The following CDK8 variants were observed in gnomAD, a reference collection of about 807,000 sequenced individuals.
CDK8 encodes the protein cyclin dependent kinase 8, also known as cyclin-dependent kinase 8.
A neutral mutation model predicts 71.5 loss-of-function variants in CDK8; 29 were observed. That is an observed-to-expected ratio of 0.41 (90% confidence interval 0.30 to 0.55). The LOEUF (loss-of-function observed/expected upper bound fraction) is 0.55, where lower values mean the gene tolerates loss of function less well. Among genes scored for constraint, CDK8 ranks in the 20% least tolerant of loss-of-function variants. CDK8 has a pLI of 0.37. For missense variants in CDK8, 288 were observed against 572.6 expected, an observed-to-expected ratio of 0.50 and a Z score of 5.07; for synonymous variants, 161 against 192.1, an observed-to-expected ratio of 0.84 and a Z score of 1.34.
At chr13:26,292,008 T>C (rs186834382) in intron 1 of CDK8, among the ~76,000 whole-genome samples, 1 of 152,340 alleles carries the variant, frequency 6.6e-6, no homozygotes. Flanking sequence ...CAATTTTATA[T>C]TAATTCTTAA....
intron 1 of CDK8, among the ~76,000 whole-genome samples, chr13:26,335,447 T>C (rs1168207478): frequency 2.0e-5 from 3 of 152,168 alleles, no homozygotes; most frequent in African/African-American, 7.2e-5. Context: ...CTTCGATCAC[T>C]GTGTCATGCT....
chr13:26,290,258 ATGC>A (rs1210817539), intron 1 of CDK8, among the ~76,000 whole-genome samples: 18 of 152,374 alleles, frequency 1.2e-4, no homozygotes, highest in African/African-American at 4.1e-4. Flanking sequence ...TGCGAAAATC[ATGC>A]TAATTCACTT....
At chr13:26,302,082 G>A in intron 1 of CDK8, among the ~76,000 whole-genome samples, 1 of 152,206 alleles carries the variant, frequency 6.6e-6, no homozygotes, top group East Asian at 1.9e-4. Flanking sequence ...GGCCAACACA[G>A]CAAGCAAGAT....
chr13:26,309,539 C>T (rs1874192216), intron 1 of CDK8, among the ~76,000 whole-genome samples: 1 of 152,022 alleles, frequency 6.6e-6, no homozygotes, highest in African/African-American at 2.4e-5. Flanking sequence ...ATGGCTTTTT[C>T]TTCTCATTCT....
intron 1 of CDK8, among the ~76,000 whole-genome samples, chr13:26,278,052 G>T (rs1220206404): frequency 6.6e-6 from 1 of 152,162 alleles, no homozygotes; most frequent in Non-Finnish European, 1.5e-5. Flanking sequence ...GGAAAAAGGG[G>T]AATTTGTTCT....
intron 1 of CDK8, among the ~76,000 whole-genome samples, chr13:26,258,366 A>G (rs973867684): frequency 1.3e-5 from 2 of 152,176 alleles, no homozygotes; most frequent in African/African-American, 4.8e-5. Flanking sequence ...ATTTGCTTCA[A>G]TAAACTGGTG....
At chr13:26,319,305 T>TA (rs1195292647) in intron 1 of CDK8, among the ~76,000 whole-genome samples, 2 of 151,798 alleles carry the variant, frequency 1.3e-5, no homozygotes, top group Non-Finnish European at 2.9e-5. Flanking sequence ...CTGTCTCTAC[T>TA]AAAAATACAA....
At position 26,400,494 on chromosome 13, in the gene CDK8, C is replaced by T. The variant is rs754357483; in HGVS notation, c.975C>T (p.Thr325=). 6.2e-7 allele frequency: 1 copy of T among 1,613,490 alleles called. No individual in the cohort carries two copies. The highest frequency in any genetic ancestry group is 1.1e-5 in the South Asian group (1 of 91,064). The change falls in exon 10 of 13, where the codon ACC becomes ACT. Residue 325 remains threonine (T), a synonymous_variant. Coordinates refer to ENST00000381527, the MANE Select transcript of CDK8 (RefSeq NM_001260.3). ...LLTMDPIKRI[T]SEQAMQDPYF... Reference sequence around the variant, plus strand: ...CCATGGACCCAATAAAGCGAATTACCTCAGAACAGGCTATGCAGGACCCCT... The same window carrying T: ...CCATGGACCCAATAAAGCGAATTACTTCAGAACAGGCTATGCAGGACCCCT...
chr13:26,398,390 A>G (rs1876092776), intron 9 of CDK8, among the ~76,000 whole-genome samples: 1 of 152,168 alleles, frequency 6.6e-6, no homozygotes, highest in Non-Finnish European at 1.5e-5. Flanking sequence ...GCTACTCATT[A>G]TAGTCTAGGA....
chr13:26,318,163 T>A (rs973980648), intron 1 of CDK8, among the ~76,000 whole-genome samples: 1 of 152,046 alleles, frequency 6.6e-6, no homozygotes, highest in Non-Finnish European at 1.5e-5. Flanking sequence ...ATGAACATAG[T>A]TGTATGCCAA....
At chr13:26,336,122 T>TACACAC (rs111361937) in intron 1 of CDK8, among the ~76,000 whole-genome samples, 67 of 148,682 alleles carry the variant, frequency 4.5e-4, no homozygotes, top group East Asian at 1.2e-3. Context: ...TACACAAACA[T>TACACAC]ACACACACAC....
Position 26,363,255 on chromosome 13 carries a change from G to A in CDK8, c.456+9375G>A, listed in dbSNP as rs1874229597. On this transcript the variant is annotated intron_variant, in intron 4 of 12. Transcript: ENST00000381527. ...AGGCAGGAGAATGGCGTGAACCTGG[G>A]AGGTGGAGCTGGCAGTGAGCCGAGA... 2.2e-5 allele frequency among the ~76,000 whole-genome samples: 3 copies of A among 135,146 alleles called. No homozygotes were observed. The Admixed American group carries it at 2.5e-4, about 11-fold the overall frequency. The allele number at this position is 135,146 out of a possible 152,430, so 88.7% of individuals were successfully genotyped here. A position where few individuals can be genotyped will look rare whatever the true frequency, so the allele number is the denominator to read the frequency against.
chr13:26,276,303 A>G (rs556155887), intron 1 of CDK8, among the ~76,000 whole-genome samples: 1 of 152,302 alleles, frequency 6.6e-6, no homozygotes, highest in African/African-American at 2.4e-5. Flanking sequence ...TCCTAATATT[A>G]TTAGATTTGG....
At chr13:26,281,410 T>C in intron 1 of CDK8, among the ~76,000 whole-genome samples, 1 of 152,208 alleles carries the variant, frequency 6.6e-6, no homozygotes, top group African/African-American at 2.4e-5. Context: ...TGTGGCTTGC[T>C]GGAAGCCCCA....
chr13:26,393,239 GA>G lies in CDK8; in HGVS notation c.647-121del, dbSNP rs200393346. ...TAATATGAGTTATTAGGGAAAGAAA[GA>G]AAAAAACACTCCCCAAGAAAATAAA... On this transcript the variant is annotated intron_variant, in intron 6 of 12. Coordinates refer to ENST00000381527, the MANE Select transcript of CDK8 (RefSeq NM_001260.3). 8.5e-4 allele frequency: 508 copies of G among 600,072 alleles called. 1 individual carries two copies. The African/African-American group carries it at 8.6e-3, about 10-fold the overall frequency. The allele number at this position is 600,072 out of a possible 1,614,324, so 37.2% of individuals were successfully genotyped here. A position where few individuals can be genotyped will look rare whatever the true frequency, so the allele number is the denominator to read the frequency against.
At chr13:26,255,009 C>T (rs988352535) in intron 1 of CDK8, among the ~76,000 whole-genome samples, 6 of 152,228 alleles carry the variant, frequency 3.9e-5, no homozygotes, top group African/African-American at 9.6e-5. Context: ...TGAGCCTCTG[C>T]ACCGTGGGCT....
intron 1 of CDK8, among the ~76,000 whole-genome samples, chr13:26,259,782 C>T (rs1871689966): frequency 1.3e-5 from 2 of 152,298 alleles, no homozygotes; most frequent in Middle Eastern, 3.4e-3. Flanking sequence ...GTCAATTACT[C>T]ATTCATTCAA....
chr13:26,349,796 A>G (rs1425839690), intron 3 of CDK8, among the ~76,000 whole-genome samples: 1 of 152,214 alleles, frequency 6.6e-6, no homozygotes, highest in Non-Finnish European at 1.5e-5. Flanking sequence ...ATTATTAACT[A>G]TTCACAATTG....
At chr13:26,382,243 A>G (rs867055304) in intron 4 of CDK8, among the ~76,000 whole-genome samples, 14 of 152,344 alleles carry the variant, frequency 9.2e-5, no homozygotes, top group Middle Eastern at 3.4e-3. Context: ...TTTAAATTTT[A>G]GCTTACTTTT....
Sources: allele counts gnomAD v4.1 joint callset (sites outside exome capture counted in the v4.1 genomes callset), GRCh38; gene constraint gnomAD v4.1.1; transcripts MANE v1.5; gene names NCBI Gene and HGNC (gene_info 2026-07-23, HGNC 2026-07-21).